Variants in UNC13C observed in about 807,000 individuals in gnomAD.
The protein encoded by UNC13C is protein unc-13 homolog C.
Under a neutral mutation model 245.4 loss-of-function variants are expected in UNC13C, and 174 were observed. That is an observed-to-expected ratio of 0.71 (90% CI 0.63 to 0.80). The LOEUF (loss-of-function observed/expected upper bound fraction) is 0.80. Among genes scored for constraint, UNC13C ranks in the 30% least tolerant of loss-of-function variants. The probability of loss-of-function intolerance (pLI) is 0.00; values close to 1 mark genes in which losing one functional copy is unlikely to be tolerated. For synonymous variants in UNC13C, 992 were observed against 895.1 expected (o/e 1.11, Z -1.93); for missense variants, 2,829 against 2,602.9 (o/e 1.09, Z -1.89).
intron 15 of UNC13C, among the ~76,000 whole-genome samples, chr15:54,333,055 C>T (rs1468447682): frequency 6.6e-6 from 1 of 151,984 alleles, no homozygotes; most frequent in Non-Finnish European, 1.5e-5. Flanking sequence ...TCATCATAGG[C>T]ACACTAACCC....
At chr15:54,017,038 T>C (rs961337123) in intron 2 of UNC13C, among the ~76,000 whole-genome samples, 1 of 152,188 alleles carries the variant, frequency 6.6e-6, no homozygotes. Context: ...TGTGAGTAGA[T>C]TATTGAATAA....
chr15:54,212,396 T>C (rs908107918), intron 4 of UNC13C, among the ~76,000 whole-genome samples: 1 of 152,114 alleles, frequency 6.6e-6, no homozygotes, highest in African/African-American at 2.4e-5. Flanking sequence ...TTCAGATGAT[T>C]CTTATCTAAG....
At chr15:54,197,231 C>A (rs562450007) in intron 4 of UNC13C, among the ~76,000 whole-genome samples, 17 of 152,232 alleles carry the variant, frequency 1.1e-4, no homozygotes, top group Admixed American at 7.8e-4. Context: ...AATCCCAGCA[C>A]TTTGGGAAGC....
intron 4 of UNC13C, among the ~76,000 whole-genome samples, chr15:54,147,364 C>T (rs752917715): frequency 2.5e-4 from 38 of 151,918 alleles, no homozygotes; most frequent in Non-Finnish European, 8.8e-5. Context: ...GGACTACAGG[C>T]GCCCTCCACC....
At chr15:54,058,729 A>C (rs959350564) in intron 2 of UNC13C, among the ~76,000 whole-genome samples, 2 of 152,138 alleles carry the variant, frequency 1.3e-5, no homozygotes, top group African/African-American at 4.8e-5. Context: ...ACTGGCAAAC[A>C]GAATCCAGCA....
chr15:54,151,400 A>C (rs1356707833), intron 4 of UNC13C, among the ~76,000 whole-genome samples: 2 of 151,682 alleles, frequency 1.3e-5, no homozygotes, highest in African/African-American at 4.8e-5. Context: ...TATGAAAACT[A>C]CTCTTTTATT....
At chr15:54,435,110 G>C (rs1342508284) in intron 19 of UNC13C, among the ~76,000 whole-genome samples, 1 of 152,112 alleles carries the variant, frequency 6.6e-6, no homozygotes, top group Admixed American at 6.6e-5. Flanking sequence ...GGAAAAATAG[G>C]AATGCTTTTA....
intron 2 of UNC13C, among the ~76,000 whole-genome samples, chr15:54,042,896 C>G (rs369786434): frequency 6.6e-6 from 1 of 151,992 alleles, no homozygotes; most frequent in East Asian, 1.9e-4. Flanking sequence ...TACTGAGAAT[C>G]TACTGCGCAT....
At chr15:54,583,516 T>C (rs575781648) in intron 30 of UNC13C, among the ~76,000 whole-genome samples, 1 of 152,298 alleles carries the variant, frequency 6.6e-6, no homozygotes, top group African/African-American at 2.4e-5. Context: ...TTACATATAA[T>C]AGAAGAACCT....
At chr15:54,022,539 A>C (rs1895945998) in intron 2 of UNC13C, among the ~76,000 whole-genome samples, 1 of 152,126 alleles carries the variant, frequency 6.6e-6, no homozygotes, top group African/African-American at 2.4e-5. Flanking sequence ...TTCCATTTAC[A>C]TCTATCCTTT....
chr15:54,518,836 A>C (rs1319053248), intron 24 of UNC13C, among the ~76,000 whole-genome samples: 3 of 152,180 alleles, frequency 2.0e-5, no homozygotes, highest in Non-Finnish European at 4.4e-5. Flanking sequence ...TCAGGGGAAA[A>C]GGGCAGAACA....
intron 2 of UNC13C, among the ~76,000 whole-genome samples, chr15:54,028,148 C>T (rs1005700050): frequency 6.6e-6 from 1 of 152,162 alleles, no homozygotes; most frequent in African/African-American, 2.4e-5. Flanking sequence ...GGATCTATGT[C>T]ATCTTGACTC....
intron 4 of UNC13C, among the ~76,000 whole-genome samples, chr15:54,182,338 A>G (rs902306534): frequency 2.4e-4 from 37 of 152,116 alleles, no homozygotes; most frequent in African/African-American, 8.4e-4. Context: ...AATCACATTT[A>G]TCGATATGTG....
intron 30 of UNC13C, among the ~76,000 whole-genome samples, chr15:54,583,637 G>A (rs960330850): frequency 6.6e-6 from 1 of 152,146 alleles, no homozygotes; most frequent in African/African-American, 2.4e-5. Flanking sequence ...AGGTTTTGTT[G>A]GAAACTGCCA....
At chr15:53,880,177 C>T in the UNC13C span, among the ~76,000 whole-genome samples, 3 of 151,980 alleles carry the variant, frequency 2.0e-5, no homozygotes, top group Admixed American at 6.6e-5. Flanking sequence ...GCAGGATCTC[C>T]GAGACGTATT....
chr15:54,525,486 A>T (rs991361089), intron 24 of UNC13C, 63 bp from the exon 25 acceptor site: 1 of 1,251,342 alleles, frequency 8.0e-7, no homozygotes, highest in Non-Finnish European at 1.1e-6. Context: ...AAATGCTTGT[A>T]AGCAAAACAG....
chr15:54,020,816 C>T (rs1366949238), intron 2 of UNC13C, among the ~76,000 whole-genome samples: 1 of 152,012 alleles, frequency 6.6e-6, no homozygotes, highest in African/African-American at 2.4e-5. Context: ...CAAATAAATT[C>T]CTATCCTTCC....
At chr15:54,400,158 A>G (rs893197211) in intron 18 of UNC13C, among the ~76,000 whole-genome samples, 2 of 151,992 alleles carry the variant, frequency 1.3e-5, no homozygotes, top group Admixed American at 1.3e-4. Flanking sequence ...TCTAAAAATT[A>G]TGGCTTTCTT....
chr15:53,986,122 G>C (rs1894130165), intron 1 of UNC13C, among the ~76,000 whole-genome samples: 1 of 152,030 alleles, frequency 6.6e-6, no homozygotes, highest in South Asian at 2.1e-4. Context: ...TCTACTTCAA[G>C]ACAGGAGGCA....
Sources: allele counts gnomAD v4.1 joint callset (sites outside exome capture counted in the v4.1 genomes callset), GRCh38; gene constraint gnomAD v4.1.1; transcripts MANE v1.5; gene names NCBI Gene and HGNC (gene_info 2026-07-23, HGNC 2026-07-21).